Variants in CFAP44 observed in about 807,000 individuals in gnomAD.
CFAP44 encodes cilia and flagella associated protein 44.
In CFAP44, 134 loss-of-function variants were observed where a neutral mutation model predicts 216.2. That is an observed-to-expected ratio of 0.62 (90% CI 0.54 to 0.72). The LOEUF is 0.72. Ranked by LOEUF, CFAP44 falls within the 30% of genes least tolerant of loss-of-function variation. The probability of loss-of-function intolerance (pLI) is 0.00; values close to 1 mark genes in which losing one functional copy is unlikely to be tolerated. For synonymous variants in CFAP44, 700 were observed against 727.6 expected (o/e 0.96, Z 0.61); for missense variants, 2,035 against 2,182.1 (o/e 0.93, Z 1.34).
At chr3:113,295,784 T>C (rs919242494) in intron 33 of CFAP44, among the ~76,000 whole-genome samples, 2 of 152,224 alleles carry the variant, frequency 1.3e-5, no homozygotes, top group Non-Finnish European at 2.9e-5. Flanking sequence ...TGTTACAAAA[T>C]TTATTACTTA....
intron 22 of CFAP44, among the ~76,000 whole-genome samples, chr3:113,355,764 A>G (rs1461278467): frequency 6.7e-6 from 1 of 150,328 alleles, no homozygotes; most frequent in Non-Finnish European, 1.5e-5. Context: ...TAGAATTTAA[A>G]GTATTAAAAA....
chr3:113,337,022 T>A (rs1360159087), intron 24 of CFAP44, among the ~76,000 whole-genome samples: 1 of 151,212 alleles, frequency 6.6e-6, no homozygotes, highest in Admixed American at 6.6e-5. Flanking sequence ...ATAAAACTGT[T>A]CCTGTTTACA....
chr3:113,396,428 C>A, intron 14 of CFAP44, 90 bp downstream of exon 14: 1 of 1,351,066 alleles, frequency 7.4e-7, no homozygotes. Context: ...AAATGAATTT[C>A]AGTAAATAAG....
intron 4 of CFAP44, among the ~76,000 whole-genome samples, chr3:113,423,156 C>A (rs533281303): frequency 6.9e-6 from 1 of 144,228 alleles, no homozygotes; most frequent in Non-Finnish European, 1.5e-5. Flanking sequence ...ACTTTGTCAC[C>A]CAGCCTGGAG....
At chr3:113,325,145 T>C (rs574929173) in intron 28 of CFAP44, among the ~76,000 whole-genome samples, 15 of 151,228 alleles carry the variant, frequency 9.9e-5, no homozygotes, top group South Asian at 8.4e-4. Context: ...CTACTAAAAA[T>C]AGAAAAATTA....
intron 30 of CFAP44, among the ~76,000 whole-genome samples, chr3:113,305,625 C>T (rs1281274835): frequency 6.6e-6 from 1 of 152,030 alleles, no homozygotes; most frequent in East Asian, 1.9e-4. Flanking sequence ...TTCCTGTTTG[C>T]AAGAGGAGAA....
Position 113,409,249 on chromosome 3 carries a change from G to T in CFAP44, c.747C>A (p.Asn249Lys), listed in dbSNP as rs140973883. 1.1e-5 allele frequency: 18 copies of T among 1,613,960 alleles called. No homozygotes were observed. The highest frequency in any genetic ancestry group is 2.2e-5 in the East Asian group (1 of 44,882). Reference protein sequence around the residue: ...SGNLLASVGSNPDYTLTIWNW... With the variant: ...SGNLLASVGSKPDYTLTIWNW... ...TCCAGATAGTCAGTGTGTAGTCAGG[G>T]TTACTACCAACAGAGGCCAGCAAGT... The change falls in exon 7 of 35, where the codon AAC becomes AAA. Residue 249 changes from asparagine to lysine, a missense_variant. Asn to Lys is a moderately conservative substitution (Grantham distance 94). Transcript: ENST00000393845.
At chr3:113,363,004 A>C (rs1950555623) in intron 21 of CFAP44, 141 bp downstream of exon 21, 1 of 1,382,646 alleles carries the variant, frequency 7.2e-7, no homozygotes, top group Non-Finnish European at 9.3e-7. Context: ...AAGATGCCCA[A>C]AATAAATGGC....
At chr3:113,320,401 C>T (rs1049881671) in intron 28 of CFAP44, among the ~76,000 whole-genome samples, 79 of 126,968 alleles carry the variant, frequency 6.2e-4, no homozygotes, top group Non-Finnish European at 1.2e-4. Context: ...GAACATGGAG[C>T]AGATATATAC....
Position 113,341,813 on chromosome 3 carries a change from C to G in CFAP44, c.3368G>C (p.Arg1123Thr), listed in dbSNP as rs1321738945. ...IIVENQIEKTRKLILKAERAQ... is the reference protein window; with the variant it reads ...IIVENQIEKTTKLILKAERAQ... ...CCTTTCAGCTTTTAATATAAGTTTTCTCGTTTTCTCAATTTGATTTTCCAC... is the reference window on the plus strand; with the variant it reads ...CCTTTCAGCTTTTAATATAAGTTTTGTCGTTTTCTCAATTTGATTTTCCAC... Residue 1123 changes from arginine to threonine, a missense_variant, in exon 24 of 35, where the codon AGA becomes ACA. This residue lies in a region of CFAP44 where 1,883 missense variants were observed against 2,023.7 expected (regional missense o/e 0.93). Transcript: ENST00000393845. 3.3e-6 allele frequency: 5 copies of G among 1,527,894 alleles called. No individual in the cohort carries two copies. The highest frequency in any genetic ancestry group is 2.6e-6 in the Non-Finnish European group (3 of 1,144,310). 94.6% of individuals were successfully genotyped at this position (1,527,894 alleles called of 1,614,324 possible).
chr3:113,403,077 G>A (rs1408380603), intron 9 of CFAP44, among the ~76,000 whole-genome samples: 1 of 147,414 alleles, frequency 6.8e-6, no homozygotes, highest in African/African-American at 2.6e-5. Context: ...GCAACAGAGT[G>A]ACCAGACTCT....
rs776954093 is a variant in CFAP44, at chr3:113,327,796, G to C, written c.4140C>G (p.Phe1380Leu). Residue 1380 changes from phenylalanine to leucine, a missense_variant, in exon 27 of 35, where the codon TTC becomes TTG. Around this residue, in one of 3 missense-constraint regions of CFAP44, gnomAD observed 1,883 missense variants for 2,023.7 expected, o/e 0.93. Transcript: ENST00000393845. ...VNRIKELVVT[F>L]DAELRLLRHQ... ...GTCTAAGGAGACGGAGTTCTGCATCGAAAGTGACAACCAGTTCTTTGATCT... is the reference window on the plus strand; with the variant it reads ...GTCTAAGGAGACGGAGTTCTGCATCCAAAGTGACAACCAGTTCTTTGATCT... 7 of 1,536,766 alleles carry C rather than the reference G, an allele frequency of 4.6e-6. No individual in the cohort carries two copies. In the South Asian group the frequency reaches 8.3e-5, roughly 18 times the overall value.
At chr3:113,396,902 A>T (rs1382137318) in intron 13 of CFAP44, among the ~76,000 whole-genome samples, 175 bp from the exon 14 acceptor site, 1 of 152,198 alleles carries the variant, frequency 6.6e-6, no homozygotes, top group African/African-American at 2.4e-5. Flanking sequence ...ATAACCAATG[A>T]CCACAGGAAG....
At chr3:113,317,121 T>C (rs1343224583) in intron 28 of CFAP44, among the ~76,000 whole-genome samples, 1 of 152,112 alleles carries the variant, frequency 6.6e-6, no homozygotes, top group Admixed American at 6.5e-5. Context: ...GGGAAAGGGA[T>C]GAGTAAGAGA....
intron 34 of CFAP44, among the ~76,000 whole-genome samples, chr3:113,292,109 G>C (rs533297215): frequency 3.3e-5 from 5 of 152,062 alleles, no homozygotes; most frequent in Non-Finnish European, 7.4e-5. Flanking sequence ...TTTCCTCATC[G>C]GAGTTATTTC....
chr3:113,426,069 T>G, intron 4 of CFAP44, 55 bp downstream of exon 4: 1 of 1,591,656 alleles, frequency 6.3e-7, no homozygotes, highest in Admixed American at 1.8e-5. Flanking sequence ...TTTGCTGACC[T>G]CTGACCTAAG....
intron 17 of CFAP44, among the ~76,000 whole-genome samples, chr3:113,377,974 T>C (rs1933398968): frequency 6.6e-6 from 1 of 152,158 alleles, no homozygotes; most frequent in South Asian, 2.1e-4. Flanking sequence ...AGTGTAAGTA[T>C]GTACTATGTA....
chr3:113,367,358 A>C (rs1279068896), intron 18 of CFAP44, among the ~76,000 whole-genome samples: 1 of 152,188 alleles, frequency 6.6e-6, no homozygotes, highest in African/African-American at 2.4e-5. Flanking sequence ...TGAAGCTTCT[A>C]GAGGAAGGAT....
chr3:113,328,373 G>A (rs1950206673), intron 26 of CFAP44, among the ~76,000 whole-genome samples: 1 of 150,866 alleles, frequency 6.6e-6, no homozygotes, highest in Non-Finnish European at 1.5e-5. Flanking sequence ...CCCAAGTCCT[G>A]GTCCAGACTT....
Sources: allele counts gnomAD v4.1 joint callset (sites outside exome capture counted in the v4.1 genomes callset), GRCh38; gene constraint gnomAD v4.1.1; regional missense constraint gnomAD v4.1.1; transcripts MANE v1.5; gene names NCBI Gene and HGNC (gene_info 2026-07-23, HGNC 2026-07-21).